The following ABHD5 variants were observed in gnomAD, a reference collection of about 807,000 sequenced individuals.
The protein encoded by ABHD5 is abhydrolase domain containing 5, lysophosphatidic acid acyltransferase, also known as 1-acylglycerol-3-phosphate O-acyltransferase ABHD5.
ABHD5 carries 30 observed loss-of-function variants against 44.9 expected under a neutral mutation model. The observed-to-expected ratio is 0.67, with a 90% confidence interval of 0.50 to 0.91. The LOEUF is 0.91. ABHD5 is among the 40% of genes least tolerant of loss of function. The probability of loss-of-function intolerance (pLI) is 0.00; values close to 1 mark genes in which losing one functional copy is unlikely to be tolerated. For synonymous variants in ABHD5, 167 were observed against 147.0 expected (o/e 1.14, Z -0.99); for missense variants, 399 against 423.4 (o/e 0.94, Z 0.50).
At chr3:43,702,865 G>A (rs1354485463) in intron 3 of ABHD5, among the ~76,000 whole-genome samples, 2 of 150,820 alleles carry the variant, frequency 1.3e-5, no homozygotes, top group African/African-American at 4.9e-5. Context: ...TAAGCCACAA[G>A]TAAAAATTAT....
At chr3:43,694,213 C>CGTGCCACT in intron 1 of ABHD5, among the ~76,000 whole-genome samples, 1 of 141,048 alleles carries the variant, frequency 7.1e-6, no homozygotes, top group South Asian at 2.3e-4. Context: ...GAGCCGAGAT[C>CGTGCCACT]GTGCCACTGC....
intron 3 of ABHD5, among the ~76,000 whole-genome samples, chr3:43,709,551 C>A (rs2084662440): frequency 6.6e-6 from 1 of 152,146 alleles, no homozygotes; most frequent in Admixed American, 6.5e-5. Flanking sequence ...AAAAATTTAA[C>A]TAAATTGTTT....
At chr3:43,693,212 T>G (rs1234615580) in intron 1 of ABHD5, among the ~76,000 whole-genome samples, 3 of 152,356 alleles carry the variant, frequency 2.0e-5, no homozygotes, top group African/African-American at 7.2e-5. Flanking sequence ...TTTGCAGTTG[T>G]GTGCTGGAGT....
chr3:43,733,871 T>G (rs1401026984), intron 7 of ABHD5: 1 of 152,222 alleles, frequency 6.6e-6, no homozygotes, highest in Non-Finnish European at 1.5e-5. Context: ...ACTGTTACTA[T>G]TTTTTCAGAG....
At chr3:43,694,458 T>G (rs1021871107) in intron 1 of ABHD5, among the ~76,000 whole-genome samples, 10 of 152,230 alleles carry the variant, frequency 6.6e-5, no homozygotes, top group African/African-American at 2.2e-4. Flanking sequence ...CTAGGATTTT[T>G]AGTTTTATTC....
chr3:43,697,650 A>G (rs911407449), intron 1 of ABHD5, among the ~76,000 whole-genome samples: 4 of 152,326 alleles, frequency 2.6e-5, no homozygotes, highest in African/African-American at 9.6e-5. Flanking sequence ...ACATGTAATC[A>G]TATGAAATTT....
At chr3:43,704,760 A>G (rs1322677322) in intron 3 of ABHD5, among the ~76,000 whole-genome samples, 1 of 152,258 alleles carries the variant, frequency 6.6e-6, no homozygotes, top group African/African-American at 2.4e-5. Flanking sequence ...TGATTCCTGC[A>G]TTGGACTAAT....
At chr3:43,724,267 G>A (rs2084863366), downstream of ABHD5, among the ~76,000 whole-genome samples, 1 of 152,116 alleles carries the variant, frequency 6.6e-6, no homozygotes, top group Non-Finnish European at 1.5e-5. Context: ...TGTGAATAAC[G>A]CAGCAGAAAG....
chr3:43,706,001 G>C (rs1291009310), intron 3 of ABHD5, among the ~76,000 whole-genome samples: 1 of 152,110 alleles, frequency 6.6e-6, no homozygotes, highest in East Asian at 1.9e-4. Context: ...GGATTAAACA[G>C]GACTGAGTAC....
intron 7 of ABHD5, among the ~76,000 whole-genome samples, chr3:43,732,247 A>G (rs1575612152): frequency 6.6e-6 from 1 of 152,138 alleles, no homozygotes; most frequent in East Asian, 1.9e-4. Flanking sequence ...CCTGGCCAAC[A>G]TGATGAAACC....
At chr3:43,724,730 A>T (rs2084866940), downstream of ABHD5, among the ~76,000 whole-genome samples, 1 of 152,222 alleles carries the variant, frequency 6.6e-6, no homozygotes. Context: ...ACATATGTAA[A>T]TATATACATG....
downstream of ABHD5, among the ~76,000 whole-genome samples, chr3:43,723,094 G>A (rs1363738274): frequency 6.6e-6 from 1 of 152,182 alleles, no homozygotes; most frequent in Admixed American, 6.5e-5. Context: ...GAGCTAACTT[G>A]AAGGGGTTTC....
At chr3:43,714,838 G>A (rs1489208724) in intron 4 of ABHD5, 109 bp from the exon 5 acceptor site, 3 of 709,354 alleles carry the variant, frequency 4.2e-6, no homozygotes, top group African/African-American at 1.8e-5. Context: ...ATATATATGT[G>A]TGCATATAAC....
chr3:43,722,926 A>G, downstream of ABHD5, among the ~76,000 whole-genome samples: 1 of 152,312 alleles, frequency 6.6e-6, no homozygotes, highest in Admixed American at 6.5e-5. Context: ...TTGTTCACTG[A>G]AAAGGCCTAG....
At chr3:43,723,076 G>C, downstream of ABHD5, among the ~76,000 whole-genome samples, 1 of 152,140 alleles carries the variant, frequency 6.6e-6, no homozygotes, top group East Asian at 1.9e-4. Flanking sequence ...CATGTCAAAA[G>C]GACCCAGGAG....
At chr3:43,714,878 TCTATATTATTTAGTTGATAAGTTAA>T in intron 4 of ABHD5, 44 bp from the exon 5 acceptor site, 1 of 1,101,068 alleles carries the variant, frequency 9.1e-7, no homozygotes, top group Non-Finnish European at 1.4e-6. Context: ...ACTAAAACTT[TCTATATTATTTAGTTGATAAGTTAA>T]CTATAATTTA....
chr3:43,693,009 C>G (rs993656037), intron 1 of ABHD5, among the ~76,000 whole-genome samples: 4 of 152,174 alleles, frequency 2.6e-5, no homozygotes, highest in African/African-American at 9.7e-5. Context: ...GACAGGCATA[C>G]TGGGATCCAT....
At chr3:43,718,351 C>A in intron 6 of ABHD5, 92 bp from the exon 7 acceptor site, 1 of 1,020,512 alleles carries the variant, frequency 9.8e-7, no homozygotes, top group Non-Finnish European at 1.6e-6. Flanking sequence ...CAGTGGCTCT[C>A]ACTTTTATTA....
At chr3:43,700,404 A>G (rs1050293324) in intron 2 of ABHD5, among the ~76,000 whole-genome samples, 6 of 152,158 alleles carry the variant, frequency 3.9e-5, no homozygotes, top group African/African-American at 1.2e-4. Context: ...TGGATTAGGT[A>G]GTACCATTCA....
Sources: allele counts gnomAD v4.1 joint callset (sites outside exome capture counted in the v4.1 genomes callset), GRCh38; gene constraint gnomAD v4.1.1; transcripts MANE v1.5; gene names NCBI Gene and HGNC (gene_info 2026-07-23, HGNC 2026-07-21).